RALB: variants seen among roughly 807,000 people sequenced by gnomAD.
The protein encoded by RALB is ras-related protein Ral-B.
In RALB, 16 loss-of-function variants were observed where a neutral mutation model predicts 21.3. The ratio of observed to expected loss-of-function variants is 0.75; its 90% CI spans 0.51 to 1.14. The LOEUF (loss-of-function observed/expected upper bound fraction) is 1.14, where lower values mean the gene tolerates loss of function less well. Among genes scored for constraint, RALB ranks in the 50% most tolerant of loss-of-function variants. The probability of loss-of-function intolerance (pLI) is 0.00; values close to 1 mark genes in which losing one functional copy is unlikely to be tolerated. For missense variants in RALB, 161 were observed against 256.2 expected (o/e 0.63, Z 2.54); for synonymous variants, 93 against 96.1 (o/e 0.97, Z 0.19).
At chr2:120,286,712 A>G (rs1690167393) in intron 3 of RALB, among the ~76,000 whole-genome samples, 1 of 152,252 alleles carries the variant, frequency 6.6e-6, no homozygotes, top group African/African-American at 2.4e-5. Context: ...AGGATGTATT[A>G]GACTGTGAAT....
At chr2:120,279,424 G>A (rs780209478) in intron 2 of RALB, among the ~76,000 whole-genome samples, 8 of 151,870 alleles carry the variant, frequency 5.3e-5, no homozygotes, top group Non-Finnish European at 1.0e-4. Flanking sequence ...GAAACGTTGC[G>A]GAATGAAAAT....
At chr2:120,285,506 A>G (rs1163938737) in intron 2 of RALB, among the ~76,000 whole-genome samples, 2 of 152,224 alleles carry the variant, frequency 1.3e-5, no homozygotes, top group Non-Finnish European at 2.9e-5. Flanking sequence ...CCAACATGAC[A>G]CGTGTATACA....
intron 1 of RALB, among the ~76,000 whole-genome samples, chr2:120,269,613 A>G (rs1381773133): frequency 6.6e-6 from 1 of 152,160 alleles, no homozygotes; most frequent in Non-Finnish European, 1.5e-5. Flanking sequence ...GCGTTTTACA[A>G]TCCTAGCTAC....
In RALB at chr2:120,294,058, G is replaced by A. The variant is rs188518118; in HGVS notation, c.*798G>A. 7 of 397,504 alleles carry A rather than the reference G, an allele frequency of 1.8e-5. No homozygotes were observed. Among genetic ancestry groups the A allele is most frequent in the African/African-American group, 1.2e-4 (6 of 48,448 alleles). 24.6% of individuals were successfully genotyped at this position (397,504 alleles called of 1,614,324 possible). On this transcript the variant is annotated 3_prime_UTR_variant, in exon 5 of 5. Transcript: ENST00000272519. ...TGTGTAGATATTTTTAAGTTCTTTG[G>A]CTAAGTCCTCTCCTAACTGCCTGTC...
At chr2:120,278,877 T>C in intron 2 of RALB, 99 bp downstream of exon 2, 1 of 1,167,812 alleles carries the variant, frequency 8.6e-7, no homozygotes, top group Non-Finnish European at 1.1e-6. Context: ...ACACAGGGGT[T>C]CACGGAGCAA....
chr2:120,282,069 C>T (rs1399306831), intron 2 of RALB, among the ~76,000 whole-genome samples: 4 of 152,150 alleles, frequency 2.6e-5, no homozygotes, highest in Non-Finnish European at 4.4e-5. Context: ...TCCACAATGC[C>T]ACTGTTGAGA....
At chr2:120,267,669 C>T (rs1470544183) in intron 1 of RALB, among the ~76,000 whole-genome samples, 1 of 152,196 alleles carries the variant, frequency 6.6e-6, no homozygotes, top group Non-Finnish European at 1.5e-5. Flanking sequence ...GCGGCAGCTG[C>T]TCCACAGCAC....
intron 1 of RALB, among the ~76,000 whole-genome samples, chr2:120,266,364 C>G (rs1689501489): frequency 6.6e-6 from 1 of 152,210 alleles, no homozygotes; most frequent in Non-Finnish European, 1.5e-5. Context: ...CCTGCCTCAG[C>G]CTCCCAAGTA....
At chr2:120,261,309 T>A (rs757607304) in intron 1 of RALB, among the ~76,000 whole-genome samples, 9 of 152,040 alleles carry the variant, frequency 5.9e-5, no homozygotes, top group Admixed American at 3.9e-4. Context: ...TTCTTGGGCA[T>A]GGTGGTGGTG....
intron 4 of RALB, 98 bp downstream of exon 4, chr2:120,289,855 C>G: frequency 2.6e-6 from 3 of 1,152,630 alleles, no homozygotes; most frequent in Non-Finnish European, 2.4e-6. Flanking sequence ...TTTATGAAAA[C>G]TAGGTGAAGA....
At chr2:120,278,926 G>C in intron 2 of RALB, 148 bp downstream of exon 2, 3 of 612,702 alleles carry the variant, frequency 4.9e-6, no homozygotes, top group Non-Finnish European at 7.3e-6. Flanking sequence ...TTCCTAGGAA[G>C]GTCTAATCAG....
chr2:120,242,954 G>A (rs916952646), intron 1 of RALB, among the ~76,000 whole-genome samples: 16 of 152,100 alleles, frequency 1.1e-4, no homozygotes, highest in Admixed American at 3.9e-4. Flanking sequence ...AAATGGACGC[G>A]GACTAACTGG....
chr2:120,279,177 A>G (rs1229920222), intron 2 of RALB, among the ~76,000 whole-genome samples: 1 of 152,176 alleles, frequency 6.6e-6, no homozygotes, highest in African/African-American at 2.4e-5. Context: ...ATACAACTTA[A>G]TCCTTTCGCA....
intron 4 of RALB, among the ~76,000 whole-genome samples, chr2:120,290,387 T>C (rs536020215): frequency 6.6e-6 from 1 of 152,312 alleles, no homozygotes; most frequent in East Asian, 1.9e-4. Context: ...TTAGCTTCTG[T>C]GTGTGCTCTC....
At chr2:120,276,135 G>C (rs901730108) in intron 1 of RALB, among the ~76,000 whole-genome samples, 32 of 152,326 alleles carry the variant, frequency 2.1e-4, no homozygotes, top group Admixed American at 1.8e-3. Context: ...TAAAAATGGG[G>C]GAGGTGGAAC....
chr2:120,274,857 A>G (rs569498934), intron 1 of RALB, among the ~76,000 whole-genome samples: 7 of 152,118 alleles, frequency 4.6e-5, no homozygotes, highest in African/African-American at 1.7e-4. Flanking sequence ...TTTTTATAAT[A>G]TTTGCCTGAA....
chr2:120,270,512 G>A (rs1689635865), intron 1 of RALB, among the ~76,000 whole-genome samples: 1 of 152,186 alleles, frequency 6.6e-6, no homozygotes, highest in Non-Finnish European at 1.5e-5. Flanking sequence ...GAAAAGGGCT[G>A]AAAAATGCAG....
rs1436686867 is a variant in RALB, at chr2:120,289,719, G to C, written c.463G>C (p.Val155Leu). The change falls in exon 4 of 5, where the codon GTG becomes CTG. Residue 155 changes from valine (V) to leucine (L), a missense_variant. Val to Leu is a conservative substitution (Grantham distance 32, BLOSUM62 1). Coordinates refer to ENST00000272519, the MANE Select transcript of RALB (RefSeq NM_002881.3). ...AGCCGAAGAGTGGGGCGTGCAGTAC[G>C]TGGAGACGTCAGCGAAGACCCGGGC... is the stretch of plus-strand genomic sequence containing the variant. ...SKAEEWGVQY[V>L]ETSAKTRANV... The C allele has an allele frequency of 6.2e-6, 10 of 1,613,026 alleles. No homozygotes were observed. The highest frequency in any genetic ancestry group is 7.6e-6 in the Non-Finnish European group (9 of 1,179,580).
chr2:120,270,458 T>C (rs1385026775), intron 1 of RALB, among the ~76,000 whole-genome samples: 2 of 152,160 alleles, frequency 1.3e-5, no homozygotes, highest in Non-Finnish European at 2.9e-5. Flanking sequence ...TTCCATAAGA[T>C]TGTGTTCGAG....
Sources: gnomAD v4.1 joint callset for allele counts (sites outside exome capture counted in the v4.1 genomes callset) on GRCh38, gnomAD v4.1.1 for gene constraint, MANE v1.5 for transcripts, NCBI Gene and HGNC (gene_info 2026-07-23, HGNC 2026-07-21) for gene names.